TMEM87A: variants seen among roughly 807,000 people sequenced by gnomAD.
TMEM87A encodes transmembrane protein 87A, also known as Golgi-pH regulating cation channel.
Under a neutral mutation model 90.0 loss-of-function variants are expected in TMEM87A, and 50 were observed. The ratio of observed to expected loss-of-function variants is 0.56; its 90% CI spans 0.44 to 0.70. TMEM87A has a LOEUF of 0.70. Among genes scored for constraint, TMEM87A ranks in the 30% least tolerant of loss-of-function variants. The probability of loss-of-function intolerance (pLI) is 0.00; values close to 1 mark genes in which losing one functional copy is unlikely to be tolerated. For missense variants in TMEM87A, 577 were observed against 660.5 expected, an observed-to-expected ratio of 0.87 and a Z score of 1.39; for synonymous variants, 226 against 226.7, an observed-to-expected ratio of 1.00 and a Z score of 0.03.
intron 19 of TMEM87A, 149 bp from the exon 20 acceptor site, chr15:42,211,898 G>T (rs576307305): frequency 9.3e-6 from 7 of 755,520 alleles, no homozygotes; most frequent in African/African-American, 8.8e-5. Context: ...CATTTGTGAA[G>T]ATTTTGAACA....
At chr15:42,240,277 T>G (rs1341623947) in intron 7 of TMEM87A, among the ~76,000 whole-genome samples, 1 of 152,150 alleles carries the variant, frequency 6.6e-6, no homozygotes, top group African/African-American at 2.4e-5. Context: ...AATGAAGGCA[T>G]TGGAAAAAAA....
At chr15:42,259,696 G>C (rs1004922294) in intron 6 of TMEM87A, among the ~76,000 whole-genome samples, 2 of 152,124 alleles carry the variant, frequency 1.3e-5, no homozygotes, top group African/African-American at 4.8e-5. Context: ...AATCTAGAAG[G>C]CCATATGTGC....
At chr15:42,265,159 G>T (rs2051378125) in intron 3 of TMEM87A, among the ~76,000 whole-genome samples, 1 of 152,148 alleles carries the variant, frequency 6.6e-6, no homozygotes, top group African/African-American at 2.4e-5. Context: ...AAACAGTGCT[G>T]CAGTGAACAT....
At chr15:42,250,834 G>GTCCAGC (rs1159323888) in intron 6 of TMEM87A, among the ~76,000 whole-genome samples, 1 of 152,090 alleles carries the variant, frequency 6.6e-6, no homozygotes, top group East Asian at 1.9e-4. Context: ...GAAGAGTGTT[G>GTCCAGC]TCCAGCTTGG....
At chr15:42,213,955 G>A (rs2050338241) in intron 19 of TMEM87A, among the ~76,000 whole-genome samples, 1 of 152,280 alleles carries the variant, frequency 6.6e-6, no homozygotes, top group South Asian at 2.1e-4. Flanking sequence ...CTATCATGAA[G>A]ATGTTCAACG....
At chr15:42,260,505 T>C (rs1404113407) in intron 6 of TMEM87A, among the ~76,000 whole-genome samples, 1 of 152,216 alleles carries the variant, frequency 6.6e-6, no homozygotes, top group Non-Finnish European at 1.5e-5. Context: ...TCCTCTAAAT[T>C]TTTAACTGGT....
intron 6 of TMEM87A, among the ~76,000 whole-genome samples, chr15:42,246,166 A>G (rs1459543605): frequency 6.6e-6 from 1 of 152,082 alleles, no homozygotes; most frequent in East Asian, 1.9e-4. Context: ...ACTTAACATA[A>G]TGTTTTCAGG....
intron 6 of TMEM87A, among the ~76,000 whole-genome samples, chr15:42,255,010 A>C (rs1451330521): frequency 2.1e-5 from 3 of 146,010 alleles, no homozygotes; most frequent in Non-Finnish European, 3.0e-5. Context: ...TATTGCTTAG[A>C]CTGGAGTACA....
At chr15:42,270,814 T>C (rs1418673115) in intron 2 of TMEM87A, among the ~76,000 whole-genome samples, 1 of 152,216 alleles carries the variant, frequency 6.6e-6, no homozygotes, top group Non-Finnish European at 1.5e-5. Flanking sequence ...GGAGACTGAT[T>C]ACATATTCAT....
chr15:42,261,982 T>A (rs2140980769), intron 4 of TMEM87A: 1 of 152,358 alleles, frequency 6.6e-6, no homozygotes, highest in East Asian at 1.9e-4. Flanking sequence ...TCCACCATAC[T>A]ACATTTTTTA....
chr15:42,265,450 T>C (rs932787795), intron 3 of TMEM87A, among the ~76,000 whole-genome samples: 4 of 152,152 alleles, frequency 2.6e-5, no homozygotes, highest in Non-Finnish European at 4.4e-5. Context: ...ATTTCTCTAA[T>C]AATCAACGAT....
chr15:42,250,231 C>G (rs2140962075), intron 6 of TMEM87A, among the ~76,000 whole-genome samples: 1 of 152,316 alleles, frequency 6.6e-6, no homozygotes, highest in Non-Finnish European at 1.5e-5. Context: ...ATTTGCCAGT[C>G]TGTGTCTTTT....
At chr15:42,262,457 G>A (rs1490992108) in intron 4 of TMEM87A, among the ~76,000 whole-genome samples, 2 of 61,166 alleles carry the variant, frequency 3.3e-5, no homozygotes, top group African/African-American at 1.3e-4. Context: ...TTTTTTTTTT[G>A]AGACCAAGTT....
At chr15:42,232,983 T>C (rs921055365) in intron 11 of TMEM87A, 2 of 296,528 alleles carry the variant, frequency 6.7e-6, no homozygotes, top group Non-Finnish European at 1.2e-5. Context: ...ACTAAAACAA[T>C]TAGCAATTTG....
chr15:42,226,215 G>T (rs2050588748), intron 15 of TMEM87A, among the ~76,000 whole-genome samples: 1 of 151,754 alleles, frequency 6.6e-6, no homozygotes, highest in Non-Finnish European at 1.5e-5. Context: ...GGTCAGGCTG[G>T]TCTCGAACTC....
chr15:42,272,889 A>C, intron 1 of TMEM87A: 1 of 475,182 alleles, frequency 2.1e-6, no homozygotes, highest in Non-Finnish European at 4.2e-6. Flanking sequence ...TCCTATTTAC[A>C]TATCTTTCTT....
At chr15:42,222,594 T>C (rs1370443660) in intron 15 of TMEM87A, among the ~76,000 whole-genome samples, 1 of 151,086 alleles carries the variant, frequency 6.6e-6, no homozygotes, top group African/African-American at 2.4e-5. Flanking sequence ...GTTTCTCTCT[T>C]GTTGCCCAGG....
At chr15:42,269,729 G>A (rs1285018749) in intron 2 of TMEM87A, among the ~76,000 whole-genome samples, 2 of 151,646 alleles carry the variant, frequency 1.3e-5, no homozygotes, top group African/African-American at 4.8e-5. Context: ...GAGGTCAGGA[G>A]ATCGAGACCA....
intron 14 of TMEM87A, 36 bp from the exon 15 acceptor site, chr15:42,226,945 A>G (rs1253583617): frequency 3.2e-6 from 5 of 1,568,808 alleles, no homozygotes; most frequent in Non-Finnish European, 4.4e-6. Context: ...ATTTATACAC[A>G]TTATCTTAAC....
Sources: allele counts gnomAD v4.1 joint callset (sites outside exome capture counted in the v4.1 genomes callset), GRCh38; gene constraint gnomAD v4.1.1; transcripts MANE v1.5; gene names NCBI Gene and HGNC (gene_info 2026-07-23, HGNC 2026-07-21).